Variants in WASF1 observed in about 807,000 individuals in gnomAD.
WASF1 encodes the protein WASP family member 1.
A neutral mutation model predicts 50.5 loss-of-function variants in WASF1; 7 were observed. The observed-to-expected ratio is 0.14, with a 90% confidence interval of 0.08 to 0.26. The LOEUF (loss-of-function observed/expected upper bound fraction) is 0.26, where lower values mean the gene tolerates loss of function less well. WASF1 is among the 10% of genes least tolerant of loss of function. The pLI is 1.00. For synonymous variants in WASF1, 205 were observed against 244.0 expected (o/e 0.84, Z 1.49); for missense variants, 470 against 694.7 (o/e 0.68, Z 3.64).
chr6:110,176,453 G>A (rs1776933960), intron 2 of WASF1, among the ~76,000 whole-genome samples: 1 of 151,870 alleles, frequency 6.6e-6, no homozygotes, highest in Non-Finnish European at 1.5e-5. Context: ...CAGTTCAAAA[G>A]TGTACAGGTA....
chr6:110,112,432 A>G (rs1218747884), intron 5 of WASF1, among the ~76,000 whole-genome samples: 5 of 152,130 alleles, frequency 3.3e-5, no homozygotes, highest in Non-Finnish European at 5.9e-5. Flanking sequence ...TTACCACCGA[A>G]GTTTCTACAA....
chr6:110,141,329 T>C (rs917462384), intron 3 of WASF1, among the ~76,000 whole-genome samples: 4 of 152,196 alleles, frequency 2.6e-5, no homozygotes, highest in East Asian at 3.8e-4. Context: ...ATCTTACTGT[T>C]TTATAGTCCT....
At chr6:110,103,292 A>G in intron 9 of WASF1, 86 bp downstream of exon 9, 2 of 1,466,516 alleles carry the variant, frequency 1.4e-6, no homozygotes, top group Non-Finnish European at 1.8e-6. Flanking sequence ...TAAGGCCCGA[A>G]AGCCAAAAAT....
At chr6:110,109,315 T>C (rs1773456962) in intron 5 of WASF1, among the ~76,000 whole-genome samples, 1 of 152,182 alleles carries the variant, frequency 6.6e-6, no homozygotes, top group Non-Finnish European at 1.5e-5. Context: ...TCTTGTACAT[T>C]AGTATTCCCA....
chr6:110,157,278 G>C (rs1226722352), intron 3 of WASF1, among the ~76,000 whole-genome samples: 9 of 30,192 alleles, frequency 3.0e-4, no homozygotes, highest in Admixed American at 4.6e-4. Flanking sequence ...CACATCCCTT[G>C]TAAGTTGGAT....
At chr6:110,123,400 A>G (rs1456338530) in intron 4 of WASF1, among the ~76,000 whole-genome samples, 3 of 152,196 alleles carry the variant, frequency 2.0e-5, no homozygotes, top group Non-Finnish European at 4.4e-5. Flanking sequence ...TTATTACTGA[A>G]AAGAGTAAGC....
intron 2 of WASF1, among the ~76,000 whole-genome samples, chr6:110,163,162 C>G (rs1267407670): frequency 6.6e-6 from 1 of 151,576 alleles, no homozygotes; most frequent in Non-Finnish European, 1.5e-5. Flanking sequence ...AAGCATAAAT[C>G]TCATAAAATT....
chr6:110,111,690 TATCCATACAGACAG>T (rs1773564599), intron 5 of WASF1, among the ~76,000 whole-genome samples: 1 of 152,140 alleles, frequency 6.6e-6, no homozygotes, highest in South Asian at 2.1e-4. Context: ...TCATATGAAA[TATCCATACAGACAG>T]ATCCATACAG....
chr6:110,100,642 C>T lies in WASF1; in HGVS notation c.1560G>A (p.Gln520=), dbSNP rs764574206. 1.2e-6 allele frequency: 2 copies of T among 1,613,278 alleles called. No individual in the cohort carries two copies. The highest frequency in any genetic ancestry group is 1.7e-6 in the Non-Finnish European group (2 of 1,179,682). Residue 520 remains glutamine, a synonymous_variant, in exon 11 of 11, where the codon CAG becomes CAA. Transcript: ENST00000392589. ...TTTCAATGCGTTCATGCTTAGCTTC[C>T]TGTTCACGCTGCTCTTCTACTTTGC... The part of the protein sequence containing the change: ...QLRKVEEQRE[Q]EAKHERIEND...
intron 3 of WASF1, among the ~76,000 whole-genome samples, chr6:110,143,843 C>T (rs1775391289): frequency 6.6e-6 from 1 of 152,082 alleles, no homozygotes; most frequent in Admixed American, 6.5e-5. Context: ...AATTATATGT[C>T]ATAGAAATAT....
At chr6:110,162,544 T>C (rs1477343233) in intron 2 of WASF1, among the ~76,000 whole-genome samples, 3 of 149,844 alleles carry the variant, frequency 2.0e-5, no homozygotes, top group Non-Finnish European at 3.0e-5. Flanking sequence ...CAACAATGTG[T>C]AAAAATAATT....
At chr6:110,131,201 G>C (rs2114525032) in intron 3 of WASF1, among the ~76,000 whole-genome samples, 1 of 152,246 alleles carries the variant, frequency 6.6e-6, no homozygotes, top group Admixed American at 6.5e-5. Context: ...TTCAAGTTTA[G>C]AACAAAAGCA....
chr6:110,174,086 T>C (rs1307456042), intron 2 of WASF1, among the ~76,000 whole-genome samples: 1 of 152,170 alleles, frequency 6.6e-6, no homozygotes, highest in East Asian at 1.9e-4. Context: ...CTCTGCATAG[T>C]CTGGCTTCTG....
intron 3 of WASF1, among the ~76,000 whole-genome samples, chr6:110,138,490 C>T (rs566535071): frequency 1.8e-4 from 27 of 152,338 alleles, no homozygotes; most frequent in African/African-American, 6.3e-4. Context: ...TCTTGTCCCA[C>T]GTCTGGGAAG....
intron 3 of WASF1, among the ~76,000 whole-genome samples, chr6:110,159,361 T>C (rs918831946): frequency 2.0e-5 from 3 of 151,956 alleles, no homozygotes; most frequent in Non-Finnish European, 4.4e-5. Context: ...CTAAGCTCCA[T>C]GCATACTTAA....
intron 3 of WASF1, among the ~76,000 whole-genome samples, chr6:110,148,626 G>A (rs1775687314): frequency 6.6e-6 from 1 of 152,072 alleles, no homozygotes; most frequent in Non-Finnish European, 1.5e-5. Context: ...GGACCTTGAA[G>A]GTCATATTGA....
At chr6:110,153,405 C>T (rs1437080119) in intron 3 of WASF1, among the ~76,000 whole-genome samples, 2 of 152,080 alleles carry the variant, frequency 1.3e-5, no homozygotes, top group Non-Finnish European at 2.9e-5. Flanking sequence ...TAATGATAAA[C>T]TGACATTTTG....
chr6:110,101,895 T>C lies in WASF1; in HGVS notation c.1215A>G (p.Pro405=), dbSNP rs1583915982. 1 of 1,613,422 alleles carries C rather than the reference T, an allele frequency of 6.2e-7. No homozygotes were observed. Among genetic ancestry groups the C allele is most frequent in the Non-Finnish European group, 8.5e-7 (1 of 1,179,692 alleles). ...GATGAACTGGTACAGTCTCACATAC[T>C]GGGGCAGCTCTAGCTACTGGTGGAG... ...QPSPPVARAA[P]VCETVPVHPL... is the part of the protein sequence containing the mutation. The change falls in exon 10 of 11, where the codon CCA becomes CCG. Residue 405 remains proline, a synonymous_variant. Transcript: ENST00000392589.
At chr6:110,134,312 A>G (rs1351037501) in intron 3 of WASF1, among the ~76,000 whole-genome samples, 2 of 152,010 alleles carry the variant, frequency 1.3e-5, no homozygotes, top group Non-Finnish European at 2.9e-5. Context: ...TGTTGAACAG[A>G]GTGTCCTTTC....
Sources: allele counts gnomAD v4.1 joint callset (sites outside exome capture counted in the v4.1 genomes callset), GRCh38; gene constraint gnomAD v4.1.1; transcripts MANE v1.5; gene names NCBI Gene and HGNC (gene_info 2026-07-23, HGNC 2026-07-21).